FBXO10: variants seen among roughly 807,000 people sequenced by gnomAD.
The protein encoded by FBXO10 is F-box protein 10, also known as F-box only protein 10.
A neutral mutation model predicts 80.7 loss-of-function variants in FBXO10; 39 were observed. That is an observed-to-expected ratio of 0.48 (90% confidence interval 0.37 to 0.63). FBXO10 has a LOEUF of 0.63. Among genes scored for constraint, FBXO10 ranks in the 30% least tolerant of loss-of-function variants. FBXO10 has a pLI of 0.00. For synonymous variants in FBXO10, 449 were observed against 489.6 expected, an observed-to-expected ratio of 0.92 and a Z score of 1.09; for missense variants, 1,025 against 1,269.0, an observed-to-expected ratio of 0.81 and a Z score of 2.92.
At chr9:37,549,660 G>T in intron 1 of FBXO10, among the ~76,000 whole-genome samples, 1 of 151,970 alleles carries the variant, frequency 6.6e-6, no homozygotes, top group East Asian at 1.9e-4. Context: ...CAATTTATTT[G>T]TTGAAAACCC....
chr9:37,512,797 C>G, intron 10 of FBXO10, 76 bp from the exon 11 acceptor site: 2 of 1,474,996 alleles, frequency 1.4e-6, no homozygotes, highest in Non-Finnish European at 1.8e-6. Context: ...ACAGTCTTAA[C>G]TTGGGTTCCA....
chr9:37,568,440 C>A (rs147898017), intron 1 of FBXO10, among the ~76,000 whole-genome samples: 2,199 of 152,182 alleles, frequency 0.014, 59 homozygotes, highest in African/African-American at 0.05. Flanking sequence ...TCAGGCAAAC[C>A]GCCCACCTCA....
intron 1 of FBXO10, 117 bp from the exon 2 acceptor site, chr9:37,541,891 C>T (rs751129145): frequency 1.3e-4 from 105 of 814,428 alleles, no homozygotes; most frequent in African/African-American, 2.8e-4. Context: ...TGCAGTGGTG[C>T]GATCTTGGCC....
intron 3 of FBXO10, among the ~76,000 whole-genome samples, chr9:37,532,369 C>T (rs1004023911): frequency 1.8e-4 from 27 of 148,310 alleles, no homozygotes; most frequent in Admixed American, 1.3e-3. Flanking sequence ...GGCATGATCT[C>T]GGCTTACTGC....
chr9:37,523,090 T>C, intron 6 of FBXO10, 113 bp from the exon 7 acceptor site: 3 of 1,208,776 alleles, frequency 2.5e-6, no homozygotes, highest in South Asian at 1.5e-5. Context: ...GCCCTGGCCT[T>C]ACCCTGCCAG....
At position 37,512,434 on chromosome 9, in the gene FBXO10, G is replaced by T; in HGVS notation, c.*113C>A. 1 of 1,211,706 alleles carries T rather than the reference G, an allele frequency of 8.3e-7. No individual in the cohort carries two copies. The highest frequency in any genetic ancestry group is 1.2e-6 in the Non-Finnish European group (1 of 861,820). The allele number at this position is 1,211,706 out of a possible 1,614,324, so 75.1% of individuals were successfully genotyped here. On this transcript the variant is annotated 3_prime_UTR_variant, in exon 11 of 11. Transcript: ENST00000432825. ...TGGAGGTACCGTGTTTTGGAGGCCCGGGACCCATTTGTTCGAGGGGGAGGG... is the reference window on the plus strand; with the variant it reads ...TGGAGGTACCGTGTTTTGGAGGCCCTGGACCCATTTGTTCGAGGGGGAGGG...
rs566591101 is a variant in FBXO10 at position 37,526,100 on chromosome 9, G to A, written c.1707-928C>T. Among the ~76,000 whole-genome samples the A allele has an allele frequency of 3.9e-5, 6 of 152,036 alleles. No homozygotes were observed. The East Asian group carries it at 1.2e-3, about 30-fold the overall frequency. ...GTGTGTATGTGTGTACATGGGGCAA[G>A]CAGAATAAAGATACAGGAGGGATGA... On this transcript the variant is annotated intron_variant, in intron 5 of 10. Coordinates refer to ENST00000432825, the MANE Select transcript of FBXO10 (RefSeq NM_012166.3).
Position 37,537,129 on chromosome 9 carries a change from C to T in FBXO10, c.1400G>A (p.Arg467Gln), listed in dbSNP as rs536164018. Residue 467 changes from arginine (R) to glutamine (Q), a missense_variant, in exon 3 of 11, where the codon CGG becomes CAG. Around this residue, in one of 3 missense-constraint regions of FBXO10, gnomAD observed 478 missense variants for 667.8 expected, o/e 0.72. Transcript: ENST00000432825. ...CAGCACCTTGCTATTATGTATACAC[C>T]GCACTGCGTAAGTCAGGTTCCGGAA... ...NIFRNLTYAV[R>Q]CIHNSKIIML... 3.7e-6 allele frequency: 6 copies of T among 1,611,882 alleles called. No individual in the cohort carries two copies. The highest frequency in any genetic ancestry group is 1.1e-5 in the South Asian group (1 of 90,740).
At chr9:37,525,002 G>T in intron 6 of FBXO10, 100 bp downstream of exon 6, 1 of 1,011,068 alleles carries the variant, frequency 9.9e-7, no homozygotes, top group Non-Finnish European at 1.5e-6. Context: ...AGAGGCCATA[G>T]TCTGTGGGGG....
At chr9:37,555,503 C>T in intron 1 of FBXO10, among the ~76,000 whole-genome samples, 1 of 152,004 alleles carries the variant, frequency 6.6e-6, no homozygotes, top group Non-Finnish European at 1.5e-5. Flanking sequence ...GCCTCAGCCT[C>T]CCGAGTAGCT....
chr9:37,554,359 A>G (rs1041994115), intron 1 of FBXO10, among the ~76,000 whole-genome samples: 1 of 152,188 alleles, frequency 6.6e-6, no homozygotes, highest in Non-Finnish European at 1.5e-5. Flanking sequence ...TTTTTCATTC[A>G]GTGTAATTCG....
intron 1 of FBXO10, among the ~76,000 whole-genome samples, chr9:37,553,704 G>A (rs991347110): frequency 2.0e-5 from 3 of 149,238 alleles, no homozygotes; most frequent in Non-Finnish European, 4.4e-5. Flanking sequence ...TCGGGAGTTC[G>A]AGACCAGCCT....
intron 1 of FBXO10, among the ~76,000 whole-genome samples, chr9:37,544,130 T>C (rs1219058476): frequency 2.6e-5 from 4 of 152,128 alleles, no homozygotes; most frequent in African/African-American, 9.7e-5. Context: ...TTAGCCGGGT[T>C]TGGGGGCGTG....
chr9:37,539,631 T>A (rs1296626763), intron 2 of FBXO10, among the ~76,000 whole-genome samples: 1 of 152,150 alleles, frequency 6.6e-6, no homozygotes, highest in African/African-American at 2.4e-5. Flanking sequence ...AGAAACAAAC[T>A]CTCCTTCTGG....
chr9:37,514,833 C>CCAAA (rs1554756222), intron 10 of FBXO10, among the ~76,000 whole-genome samples: 1 of 151,676 alleles, frequency 6.6e-6, no homozygotes, highest in Non-Finnish European at 1.5e-5. Flanking sequence ...GACTTGGTCT[C>CCAAA]TAAATAAATA....
rs79636070 is a variant in FBXO10 at position 37,541,118 on chromosome 9, C to T, written c.585+66G>A. 500 of 1,395,134 alleles carry T rather than the reference C, an allele frequency of 3.6e-4. 2 individuals are homozygous for T. In the African/African-American group the frequency reaches 6.5e-3, roughly 18 times the overall value. The allele number at this position is 1,395,134 out of a possible 1,614,324, so 86.4% of individuals were successfully genotyped here. On this transcript the variant is annotated intron_variant, in intron 2 of 10. Coordinates refer to ENST00000432825, the MANE Select transcript of FBXO10 (RefSeq NM_012166.3). ...TTCCAACAAAAAAAGGGATTAAAAGCCCAGAAAAGAGGGCAAGCCTCTGGG... is the reference window on the plus strand; with the variant it reads ...TTCCAACAAAAAAAGGGATTAAAAGTCCAGAAAAGAGGGCAAGCCTCTGGG...
At chr9:37,529,484 G>A (rs372546727) in intron 4 of FBXO10, among the ~76,000 whole-genome samples, 9 of 152,342 alleles carry the variant, frequency 5.9e-5, no homozygotes, top group African/African-American at 2.2e-4. Context: ...GAAGACTGGA[G>A]TCTTCGCTGC....
intron 1 of FBXO10, among the ~76,000 whole-genome samples, chr9:37,543,695 C>T (rs1588844740): frequency 2.6e-5 from 4 of 152,320 alleles, no homozygotes; most frequent in South Asian, 2.1e-4. Context: ...ATGATGTAAG[C>T]TGGCTTCATT....
intron 1 of FBXO10, among the ~76,000 whole-genome samples, chr9:37,574,485 A>G (rs772555422): frequency 2.0e-5 from 3 of 152,232 alleles, no homozygotes; most frequent in Admixed American, 6.5e-5. Flanking sequence ...AGAAATCTAA[A>G]AACAATAATA....
Sources: allele counts gnomAD v4.1 joint callset (sites outside exome capture counted in the v4.1 genomes callset), GRCh38; gene constraint gnomAD v4.1.1; regional missense constraint gnomAD v4.1.1; transcripts MANE v1.5; gene names NCBI Gene and HGNC (gene_info 2026-07-23, HGNC 2026-07-21).